The following SLC2A13 variants were observed in gnomAD, a reference collection of about 807,000 sequenced individuals.
SLC2A13 encodes the protein proton myo-inositol cotransporter.
Under a neutral mutation model 64.4 loss-of-function variants are expected in SLC2A13, and 32 were observed. The ratio of observed to expected loss-of-function variants is 0.50; its 90% CI spans 0.37 to 0.67. The LOEUF (loss-of-function observed/expected upper bound fraction) is 0.67, where lower values mean the gene tolerates loss of function less well. Ranked by LOEUF, SLC2A13 falls within the 30% of genes least tolerant of loss-of-function variation. The probability of loss-of-function intolerance (pLI) is 0.00; values close to 1 mark genes in which losing one functional copy is unlikely to be tolerated. For synonymous variants in SLC2A13, 338 were observed against 327.1 expected (o/e 1.03, Z -0.36); for missense variants, 743 against 829.2 (o/e 0.90, Z 1.28).
Position 40,105,711 on chromosome 12 carries a change from G to C in SLC2A13, c.98C>G (p.Ala33Gly). Residue 33 changes from alanine to glycine, a missense_variant, in exon 1 of 10, where the codon GCG becomes GGG. Ala to Gly is a moderately conservative substitution (Grantham distance 60). This residue lies in a region of SLC2A13 where 448 missense variants were observed against 447.4 expected (regional missense o/e 1.00). Coordinates refer to ENST00000280871, the MANE Select transcript of SLC2A13 (RefSeq NM_052885.4). The surrounding 1 kb of genome is among the most constrained non-coding windows in gnomAD (Gnocchi z 4.2). ...GAGGCTGCACTCCCCGGCCGCGCTC[G>C]CCGCGTCCGGCTCCGGCTGCTTCCT... ...RRRKQPEPDAASAAGECSLLA... is the reference protein window; with the variant it reads ...RRRKQPEPDAGSAAGECSLLA... The C allele has an allele frequency of 6.8e-7, 1 of 1,479,950 alleles. No homozygotes were observed. The highest frequency in any genetic ancestry group is 9.0e-7 in the Non-Finnish European group (1 of 1,115,444). The allele number at this position is 1,479,950 out of a possible 1,614,324, so 91.7% of individuals were successfully genotyped here.
intron 7 of SLC2A13, among the ~76,000 whole-genome samples, chr12:39,775,978 T>G (rs1367763962): frequency 1.5e-4 from 23 of 152,156 alleles, no homozygotes; most frequent in Non-Finnish European, 5.9e-5. Context: ...TTTTGGAGCA[T>G]TTTGGATTTT....
At chr12:39,997,372 T>C (rs1042427512) in intron 3 of SLC2A13, among the ~76,000 whole-genome samples, 21 of 152,152 alleles carry the variant, frequency 1.4e-4, no homozygotes, top group Non-Finnish European at 1.5e-4. Context: ...TCTCACCTTA[T>C]ACAAAAATCA....
At chr12:40,061,694 C>A (rs559214629) in intron 1 of SLC2A13, among the ~76,000 whole-genome samples, 3 of 152,088 alleles carry the variant, frequency 2.0e-5, no homozygotes, top group Non-Finnish European at 4.4e-5. Flanking sequence ...GGGTCGTGAA[C>A]CCAATCCCCC....
rs557953732 is a variant in SLC2A13 at position 39,973,423 on chromosome 12, C to G, written c.926-22058G>C. Among the ~76,000 whole-genome samples, 5 of 152,328 alleles carry G rather than the reference C, an allele frequency of 3.3e-5. No homozygotes were observed. The South Asian group carries it at 1.0e-3, about 32-fold the overall frequency. On this transcript the variant is annotated intron_variant, in intron 3 of 9. Coordinates refer to ENST00000280871, the MANE Select transcript of SLC2A13 (RefSeq NM_052885.4). ...ATCCAAACTTTGGAATGCCCCAGAG[C>G]CCAGATTCCTTCTCTTCTCCCCATA...
chr12:40,023,448 G>T (rs531300281), intron 3 of SLC2A13, among the ~76,000 whole-genome samples: 10 of 152,170 alleles, frequency 6.6e-5, no homozygotes, highest in South Asian at 2.1e-4. Context: ...ACACTTGTTC[G>T]CTGGTACAGG....
At chr12:39,941,143 AT>A (rs1259872671) in intron 4 of SLC2A13, among the ~76,000 whole-genome samples, 15 of 140,636 alleles carry the variant, frequency 1.1e-4, no homozygotes, top group African/African-American at 3.9e-4. Flanking sequence ...ATATATATAT[AT>A]GAATCAGTTT....
chr12:39,830,016 CTATAAG>C, intron 7 of SLC2A13, 81 bp downstream of exon 7: 1 of 1,536,376 alleles, frequency 6.5e-7, no homozygotes, highest in South Asian at 1.1e-5. Context: ...AAAAGAACTG[CTATAAG>C]TGCAAGCACT....
At chr12:39,992,960 A>C (rs549248278) in intron 3 of SLC2A13, among the ~76,000 whole-genome samples, 4 of 152,182 alleles carry the variant, frequency 2.6e-5, no homozygotes, top group Non-Finnish European at 5.9e-5. Context: ...GCATTTTTCA[A>C]TTTGCTGACT....
At chr12:39,979,304 C>T (rs1278775555) in intron 3 of SLC2A13, among the ~76,000 whole-genome samples, 3 of 147,046 alleles carry the variant, frequency 2.0e-5, no homozygotes, top group Non-Finnish European at 4.5e-5. Context: ...TCACCAGCAA[C>T]GGAACAAAGC....
At chr12:39,769,960 G>T (rs923614645) in intron 7 of SLC2A13, among the ~76,000 whole-genome samples, 2 of 151,986 alleles carry the variant, frequency 1.3e-5, no homozygotes, top group South Asian at 4.1e-4. Context: ...CAGGTTTCTT[G>T]TCTTAATCTT....
chr12:39,969,017 CA>C (rs1291614776), intron 3 of SLC2A13, among the ~76,000 whole-genome samples: 1 of 151,902 alleles, frequency 6.6e-6, no homozygotes, highest in African/African-American at 2.4e-5. Context: ...TCTCATTGTT[CA>C]ATTCCCATCT....
intron 1 of SLC2A13, among the ~76,000 whole-genome samples, chr12:40,049,451 T>C (rs1052243822): frequency 6.6e-6 from 1 of 152,204 alleles, no homozygotes; most frequent in Non-Finnish European, 1.5e-5. Context: ...AGGTGCTATT[T>C]ATTACATTCC....
intron 4 of SLC2A13, among the ~76,000 whole-genome samples, chr12:39,913,351 A>G (rs1442757101): frequency 2.0e-5 from 3 of 152,088 alleles, no homozygotes; most frequent in Admixed American, 2.0e-4. Context: ...CTGAGTTGTC[A>G]ACATGACAGA....
Position 39,914,694 on chromosome 12 carries a change from A to ATT in SLC2A13, c.1034+36561_1034+36562dup, listed in dbSNP as rs562432330. Among the ~76,000 whole-genome samples the ATT allele has an allele frequency of 7.6e-4, 115 of 152,060 alleles. 2 individuals are homozygous for ATT. Among genetic ancestry groups the ATT allele is most frequent in the African/African-American group, 2.6e-3 (109 of 41,482 alleles). ...TATATACATACTCATGATATGATAC[A>ATT]TTTGGTATATCAAACCAGTGGAAAA... On this transcript the variant is annotated intron_variant, in intron 4 of 9. Coordinates refer to ENST00000280871, the MANE Select transcript of SLC2A13 (RefSeq NM_052885.4).
At chr12:39,886,081 G>A (rs187963666) in intron 4 of SLC2A13, among the ~76,000 whole-genome samples, 84 of 152,208 alleles carry the variant, frequency 5.5e-4, no homozygotes, top group African/African-American at 1.9e-3. Flanking sequence ...AAATAAACAG[G>A]TCAAGGTTAA....
At chr12:39,972,168 G>GA (rs1438856533) in intron 3 of SLC2A13, among the ~76,000 whole-genome samples, 3 of 117,146 alleles carry the variant, frequency 2.6e-5, no homozygotes, top group African/African-American at 6.5e-5. Flanking sequence ...AGTTACCAGT[G>GA]AAAAAATGAA....
intron 7 of SLC2A13, among the ~76,000 whole-genome samples, chr12:39,827,967 T>C (rs181922879): frequency 5.9e-5 from 9 of 152,242 alleles, no homozygotes; most frequent in African/African-American, 1.9e-4. Context: ...CTAGAGATAG[T>C]ATATCTCTAG....
At chr12:40,071,454 A>T (rs570469437) in intron 1 of SLC2A13, among the ~76,000 whole-genome samples, 9 of 152,232 alleles carry the variant, frequency 5.9e-5, no homozygotes, top group Admixed American at 5.9e-4. Context: ...ACATCTATGT[A>T]TCTGAGAGAT....
intron 9 of SLC2A13, 24 bp downstream of exon 9, chr12:39,764,434 CTA>C (rs766248077): frequency 5.9e-6 from 9 of 1,521,654 alleles, no homozygotes; most frequent in Admixed American, 4.7e-5. Flanking sequence ...AAAAACAAAA[CTA>C]TGTTAGAAAA....
Sources: gnomAD v4.1 joint callset for allele counts (sites outside exome capture counted in the v4.1 genomes callset) on GRCh38, gnomAD v4.1.1 for gene constraint, gnomAD v4.1.1 regional missense constraint, Gnocchi (gnomAD v3.1) non-coding constraint, MANE v1.5 for transcripts, NCBI Gene and HGNC (gene_info 2026-07-23, HGNC 2026-07-21) for gene names.